The following KAZN variants were observed in gnomAD, a reference collection of about 807,000 sequenced individuals.
KAZN encodes the protein kazrin.
Under a neutral mutation model 87.4 loss-of-function variants are expected in KAZN, and 40 were observed. The ratio of observed to expected loss-of-function variants is 0.46; its 90% CI spans 0.36 to 0.60. The LOEUF is 0.60. Ranked by LOEUF, KAZN falls within the 20% of genes least tolerant of loss-of-function variation. The pLI is 0.00. For missense variants in KAZN, 898 were observed against 1,073.9 expected, an observed-to-expected ratio of 0.84 and a Z score of 2.29; for synonymous variants, 466 against 458.3, an observed-to-expected ratio of 1.02 and a Z score of -0.22.
At chr1:14,747,466 G>A (rs1003298349) in intron 1 of KAZN, among the ~76,000 whole-genome samples, 4 of 152,058 alleles carry the variant, frequency 2.6e-5, no homozygotes, top group African/African-American at 4.8e-5. Context: ...CAATAGAGAC[G>A]GGGTTTCACC....
chr1:14,119,032 C>CAAACA (rs1553130724), intron 1 of KAZN, among the ~76,000 whole-genome samples: 6 of 150,898 alleles, frequency 4.0e-5, no homozygotes, highest in Admixed American at 2.6e-4. Flanking sequence ...GCAAAACAAA[C>CAAACA]AAAAAAAACA....
chr1:14,211,519 G>A (rs1646853237), intron 2 of KAZN, among the ~76,000 whole-genome samples: 2 of 152,038 alleles, frequency 1.3e-5, no homozygotes, highest in African/African-American at 4.8e-5. Flanking sequence ...CCACCGTGCC[G>A]GGCCTATCTT....
At chr1:14,145,812 C>G (rs905527101) in intron 1 of KAZN, among the ~76,000 whole-genome samples, 1 of 152,194 alleles carries the variant, frequency 6.6e-6, no homozygotes, top group East Asian at 1.9e-4. Context: ...ACCTCCTGAC[C>G]TCAGATGATC....
At chr1:14,795,148 G>A (rs1474253985) in intron 1 of KAZN, among the ~76,000 whole-genome samples, 1 of 152,050 alleles carries the variant, frequency 6.6e-6, no homozygotes, top group Non-Finnish European at 1.5e-5. Flanking sequence ...CTTGCTGATG[G>A]CCTTTTGTGG....
chr1:13,909,870 G>T (rs1639586377), intron 1 of KAZN, among the ~76,000 whole-genome samples: 2 of 152,184 alleles, frequency 1.3e-5, no homozygotes, highest in Non-Finnish European at 1.5e-5. Flanking sequence ...CCCTCTTCTT[G>T]GCTGGCTTCA....
At chr1:14,970,416 A>C (rs1367348129) in intron 2 of KAZN, among the ~76,000 whole-genome samples, 1 of 152,186 alleles carries the variant, frequency 6.6e-6, no homozygotes, top group Non-Finnish European at 1.5e-5. Flanking sequence ...TTTTAAATAG[A>C]ATTGTTTCCA....
In KAZN at chr1:14,550,739, C is replaced by CTCTCTCTCT. The variant is rs1480745409; in HGVS notation, c.250-48244_250-48243insTCTCTCTCT. On this transcript the variant is annotated intron_variant, in intron 2 of 16. Coordinates refer to the KAZN transcript ENST00000636203. ...TCTCTCTCTCTCTCTCTCTCTCTCT[C>CTCTCTCTCT]CCCCACCCCGCCACCCCCTCTCCCC... 9.2e-3 allele frequency among the ~76,000 whole-genome samples: 643 copies of CTCTCTCTCT among 69,722 alleles called. 9 individuals are homozygous for CTCTCTCTCT. Among genetic ancestry groups the CTCTCTCTCT allele is most frequent in the Non-Finnish European group, 0.013 (399 of 30,280 alleles). The allele number at this position is 69,722 out of a possible 152,430, so 45.7% of individuals were successfully genotyped here.
At chr1:13,972,699 T>C (rs1642182048) in intron 1 of KAZN, among the ~76,000 whole-genome samples, 1 of 152,204 alleles carries the variant, frequency 6.6e-6, no homozygotes, top group African/African-American at 2.4e-5. Flanking sequence ...CAGATGGACA[T>C]CCCTGGAGGC....
rs866888754 is a variant in KAZN, at chr1:14,943,023, T to G, written c.227-17661T>G. ...TGTGTGTGTGGTGTGTGTGTGTGTG[T>G]GTGTGTGTGTGTGTGTGTGTGTGTG... On this transcript the variant is annotated intron_variant, in intron 1 of 14. Transcript: ENST00000376030. Among the ~76,000 whole-genome samples, 461 of 117,124 alleles carry G rather than the reference T, an allele frequency of 3.9e-3. 27 individuals carry two copies. The highest frequency in any genetic ancestry group is 0.015 in the African/African-American group (415 of 28,512). The allele number at this position is 117,124 out of a possible 152,430, so 76.8% of individuals were successfully genotyped here. A position where few individuals can be genotyped will look rare whatever the true frequency, so the allele number is the denominator to read the frequency against.
At position 14,945,918 on chromosome 1, in the gene KAZN, G is replaced by A. The variant is rs1034091733; in HGVS notation, c.227-14766G>A. 4.1e-6 allele frequency: 4 copies of A among 985,326 alleles called. No individual in the cohort carries two copies. The African/African-American group carries it at 7.0e-5, about 17-fold the overall frequency. 61.0% of individuals were successfully genotyped at this position (985,326 alleles called of 1,614,324 possible). A position where few individuals can be genotyped will look rare whatever the true frequency, so the allele number is the denominator to read the frequency against. Reference sequence around the variant, plus strand: ...CATGGAGTCAGGCATGCCCTGTGATGGCATCAGCAGCTGTCTGCCAGTGTT... The same window carrying A: ...CATGGAGTCAGGCATGCCCTGTGATAGCATCAGCAGCTGTCTGCCAGTGTT... On this transcript the variant is annotated intron_variant, in intron 1 of 14. Transcript: ENST00000376030.
chr1:14,490,923 G>A (rs1669615514), intron 2 of KAZN, among the ~76,000 whole-genome samples: 1 of 151,928 alleles, frequency 6.6e-6, no homozygotes, highest in Admixed American at 6.6e-5. Flanking sequence ...GAATCATTTG[G>A]TCACATTTCA....
intron 2 of KAZN, among the ~76,000 whole-genome samples, chr1:14,466,819 A>C (rs939903623): frequency 3.3e-5 from 5 of 151,532 alleles, no homozygotes; most frequent in African/African-American, 1.2e-4. Context: ...ATACAAAAAA[A>C]TTAGCCTGTT....
At chr1:15,037,603 A>G (rs1028924971) in intron 3 of KAZN, among the ~76,000 whole-genome samples, 1 of 151,972 alleles carries the variant, frequency 6.6e-6, no homozygotes, top group Non-Finnish European at 1.5e-5. Context: ...TATCATTATC[A>G]TTATTATTGC....
chr1:14,091,574 A>G (rs1643995365), intron 1 of KAZN, among the ~76,000 whole-genome samples: 1 of 152,246 alleles, frequency 6.6e-6, no homozygotes, highest in African/African-American at 2.4e-5. Context: ...ATCAATTAAT[A>G]CATCTTACTG....
intron 2 of KAZN, among the ~76,000 whole-genome samples, chr1:14,259,665 G>A (rs943834932): frequency 6.6e-6 from 1 of 152,212 alleles, no homozygotes; most frequent in African/African-American, 2.4e-5. Flanking sequence ...CCGGACATGA[G>A]ACAAACTGCT....
intron 1 of KAZN, among the ~76,000 whole-genome samples, chr1:14,878,588 G>T (rs2101089322): frequency 6.6e-6 from 1 of 152,266 alleles, no homozygotes; most frequent in Middle Eastern, 3.4e-3. Flanking sequence ...CCAAAGCAGA[G>T]TTTTCCCCAA....
At position 14,904,193 on chromosome 1, in the gene KAZN, C is replaced by G. The variant is rs115169808; in HGVS notation, c.227-56491C>G. Among the ~76,000 whole-genome samples, 699 of 151,838 alleles carry G rather than the reference C, an allele frequency of 4.6e-3. 5 individuals are homozygous for G. The highest frequency in any genetic ancestry group is 6.8e-3 in the Non-Finnish European group (463 of 67,986). On this transcript the variant is annotated intron_variant, in intron 1 of 14. Transcript: ENST00000376030. The stretch of plus-strand genomic sequence containing the variant: ...TTTCCTTCCCACGTGCCTCAATTTT[C>G]CTTATTCATGCAATGGGTTTAAGAA...
chr1:14,517,969 G>C (rs1045859839), intron 2 of KAZN, among the ~76,000 whole-genome samples: 10 of 152,156 alleles, frequency 6.6e-5, no homozygotes, highest in African/African-American at 2.4e-4. Context: ...ACATTGCCAA[G>C]CACCTACTGT....
At chr1:14,147,026 C>T (rs1168843471) in intron 1 of KAZN, among the ~76,000 whole-genome samples, 1 of 152,088 alleles carries the variant, frequency 6.6e-6, no homozygotes, top group Non-Finnish European at 1.5e-5. Flanking sequence ...TTTATGATGA[C>T]CCATTTCCAT....
Sources: allele counts gnomAD v4.1 joint callset (sites outside exome capture counted in the v4.1 genomes callset), GRCh38; gene constraint gnomAD v4.1.1; transcripts MANE v1.5; gene names NCBI Gene and HGNC (gene_info 2026-07-23, HGNC 2026-07-21).